The following ADGRL1 variants were observed in gnomAD, a reference collection of about 807,000 sequenced individuals.
The protein encoded by ADGRL1 is CIRL-1.
ADGRL1 carries 31 observed loss-of-function variants against 148.9 expected under a neutral mutation model. That is an observed-to-expected ratio of 0.21 (90% CI 0.16 to 0.28). The LOEUF (loss-of-function observed/expected upper bound fraction) is 0.28, where lower values mean the gene tolerates loss of function less well. ADGRL1 is among the 10% of genes least tolerant of loss of function. ADGRL1 has a pLI of 1.00. For missense variants in ADGRL1, 1,521 were observed against 2,058.8 expected (o/e 0.74, Z 5.05); for synonymous variants, 937 against 900.3 (o/e 1.04, Z -0.73).
At position 14,160,529 on chromosome 19, in the gene ADGRL1, C is replaced by A. The variant is rs561272911; in HGVS notation, c.1614+64G>T. 8.9e-5 allele frequency: 112 copies of A among 1,265,072 alleles called. No homozygotes were observed. The highest frequency in any genetic ancestry group is 1.1e-4 in the Non-Finnish European group (99 of 913,438). The allele number at this position is 1,265,072 out of a possible 1,614,324, so 78.4% of individuals were successfully genotyped here. A position where few individuals can be genotyped will look rare whatever the true frequency, so the allele number is the denominator to read the frequency against. The stretch of plus-strand genomic sequence containing the variant: ...TGTCTCCCCAGCTGCTCCACGACCC[C>A]CGCTGGGCCCTGGGCCCTGGGCCCG... On this transcript the variant is annotated intron_variant, in intron 7 of 22. Coordinates refer to ENST00000361434, the MANE Select transcript of ADGRL1 (RefSeq NM_014921.5). The surrounding 1 kb of genome is among the most constrained non-coding windows in gnomAD (Gnocchi z 5.9).
chr19:14,179,319 C>A (rs1280477813), intron 2 of ADGRL1, among the ~76,000 whole-genome samples: 1 of 152,058 alleles, frequency 6.6e-6, no homozygotes, highest in African/African-American at 2.4e-5. Context: ...ACGGTGAAAC[C>A]CCATCTCTAC....
chr19:14,170,489 C>T (rs965166220), intron 4 of ADGRL1, 193 bp downstream of exon 4: 2 of 520,032 alleles, frequency 3.8e-6, no homozygotes, highest in Non-Finnish European at 3.5e-6. Context: ...GTCTGTGAGG[C>T]GGGGGAGCAG....
intron 1 of ADGRL1, among the ~76,000 whole-genome samples, chr19:14,204,560 G>C (rs1348928038): frequency 6.6e-6 from 1 of 152,030 alleles, no homozygotes; most frequent in Non-Finnish European, 1.5e-5. Context: ...AAACAGCATG[G>C]AGGTCAACGG....
chr19:14,166,742 A>G (rs1445002819), intron 4 of ADGRL1, among the ~76,000 whole-genome samples: 2 of 148,324 alleles, frequency 1.3e-5, no homozygotes, highest in Non-Finnish European at 3.0e-5. Flanking sequence ...GCCAGGGACC[A>G]GGAAGGAGGG....
chr19:14,201,176 C>T (rs1467831308), intron 1 of ADGRL1, among the ~76,000 whole-genome samples: 1 of 152,042 alleles, frequency 6.6e-6, no homozygotes, highest in Non-Finnish European at 1.5e-5. Flanking sequence ...GAAAGCCAGC[C>T]CCGGACCCCT....
At chr19:14,184,646 A>ATTTATTTATTTT (rs1555790748) in intron 1 of ADGRL1, among the ~76,000 whole-genome samples, 22 of 97,730 alleles carry the variant, frequency 2.3e-4, no homozygotes, top group African/African-American at 7.5e-4. Context: ...TTATTTATTT[A>ATTTATTTATTTT]TTTTTTTTTC....
chr19:14,186,945 T>A (rs1474657457), intron 1 of ADGRL1, among the ~76,000 whole-genome samples: 2 of 152,220 alleles, frequency 1.3e-5, no homozygotes, highest in Non-Finnish European at 2.9e-5. Flanking sequence ...CCTGCTGCCC[T>A]CACCCGCCAT....
At chr19:14,188,514 T>C (rs1431524599) in intron 1 of ADGRL1, among the ~76,000 whole-genome samples, 1 of 151,782 alleles carries the variant, frequency 6.6e-6, no homozygotes, top group Non-Finnish European at 1.5e-5. Context: ...AGCCCCTACA[T>C]CAGTGCACGG....
chr19:14,183,506 C>T (rs914298112), intron 2 of ADGRL1, 27 bp downstream of exon 2: 10 of 1,551,870 alleles, frequency 6.4e-6, no homozygotes, highest in African/African-American at 1.4e-5. Context: ...GGAGCCGCGG[C>T]CCCTCCCCGG....
At chr19:14,172,106 T>C (rs1379021020) in intron 3 of ADGRL1, among the ~76,000 whole-genome samples, 1 of 152,188 alleles carries the variant, frequency 6.6e-6, no homozygotes, top group Non-Finnish European at 1.5e-5. Flanking sequence ...TCTGTATCCA[T>C]CCACCTCATC....
At chr19:14,185,802 A>G (rs1417682211) in intron 1 of ADGRL1, among the ~76,000 whole-genome samples, 2 of 152,146 alleles carry the variant, frequency 1.3e-5, no homozygotes, top group Non-Finnish European at 2.9e-5. Context: ...AACCCTTGTA[A>G]TTGGCCCAGT....
Position 14,183,065 on chromosome 19 carries a change from T to C in ADGRL1, c.70+468A>G, listed in dbSNP as rs559375139. Among the ~76,000 whole-genome samples, 6 of 152,222 alleles carry C rather than the reference T, an allele frequency of 3.9e-5. No individual in the cohort carries two copies. In the South Asian group the frequency reaches 1.0e-3, roughly 26 times the overall value. ...TGGGCGGGCAGGCTTGGGGCACTAA[T>C]AGTGGCGTGTGCAGGATCCTAGGGC... On this transcript the variant is annotated intron_variant, in intron 2 of 22. Coordinates refer to ENST00000361434, the MANE Select transcript of ADGRL1 (RefSeq NM_014921.5).
At chr19:14,180,359 G>A (rs1400341964) in intron 2 of ADGRL1, among the ~76,000 whole-genome samples, 4 of 152,082 alleles carry the variant, frequency 2.6e-5, no homozygotes, top group South Asian at 2.1e-4. Context: ...AGGTTCAAGC[G>A]ATTCTCCTGC....
chr19:14,204,369 G>A (rs2145202203), intron 1 of ADGRL1, among the ~76,000 whole-genome samples: 1 of 152,182 alleles, frequency 6.6e-6, no homozygotes, highest in East Asian at 2.0e-4. Flanking sequence ...AGAAGAGAAT[G>A]AGGGGTGTGG....
In ADGRL1 at chr19:14,155,440, C is replaced by T. The variant is rs756817010; in HGVS notation, c.3213G>A (p.Val1071=). The T allele has an allele frequency of 5.0e-6, 8 of 1,614,060 alleles. No homozygotes were observed. The highest frequency in any genetic ancestry group is 5.9e-6 in the Non-Finnish European group (7 of 1,180,016). Residue 1071 remains valine (V), a synonymous_variant, in exon 18 of 23, where the codon GTG becomes GTA. Transcript: ENST00000361434. The surrounding 1 kb of genome is among the most constrained non-coding windows in gnomAD (Gnocchi z 5.0). ...AGGTGGTGAAGAGATAGGCCATGACCACCGACTCCTTGTTGATGAAGAGGA... is the reference window on the plus strand; with the variant it reads ...AGGTGGTGAAGAGATAGGCCATGACTACCGACTCCTTGTTGATGAAGAGGA... ...FGLLFINKES[V]VMAYLFTTFN...
chr19:14,153,014 G>T (rs1361672717), intron 18 of ADGRL1, 102 bp from the exon 19 acceptor site: 2 of 1,397,532 alleles, frequency 1.4e-6, no homozygotes, highest in African/African-American at 2.8e-5. Flanking sequence ...GGAGGCCGGA[G>T]ACCGAGCTTC....
chr19:14,204,550 A>C (rs1307168253), intron 1 of ADGRL1, among the ~76,000 whole-genome samples: 1 of 152,074 alleles, frequency 6.6e-6, no homozygotes, highest in Admixed American at 6.6e-5. Flanking sequence ...GTCTGTCCCC[A>C]AACAGCATGG....
chr19:14,174,426 G>C (rs1272551024), intron 3 of ADGRL1, among the ~76,000 whole-genome samples: 4 of 151,984 alleles, frequency 2.6e-5, no homozygotes, highest in Non-Finnish European at 5.9e-5. Flanking sequence ...GGTGCCTCCA[G>C]CCCAGCCCAG....
chr19:14,159,233 G>A lies in ADGRL1; in HGVS notation c.2024-18C>T, dbSNP rs538002323. On this transcript the variant is annotated intron_variant, in intron 10 of 22. Transcript: ENST00000361434. This position sits in a 1 kb window ranked among gnomAD's most constrained non-coding sequence, Gnocchi z 6.0. ...CTCCAGGACTGTGGGGACAGGGGAA[G>A]GCAAGGCATACACAGTTGGGGTCTG... 124 of 1,613,680 alleles carry A rather than the reference G, an allele frequency of 7.7e-5. No homozygotes were observed. The highest frequency in any genetic ancestry group is 9.9e-5 in the Non-Finnish European group (117 of 1,179,810).
Sources: allele counts gnomAD v4.1 joint callset (sites outside exome capture counted in the v4.1 genomes callset), GRCh38; gene constraint gnomAD v4.1.1; non-coding constraint Gnocchi (gnomAD v3.1); transcripts MANE v1.5; gene names NCBI Gene and HGNC (gene_info 2026-07-23, HGNC 2026-07-21).